DOCK4: variants seen among roughly 807,000 people sequenced by gnomAD.
DOCK4 encodes dedicator of cytokinesis protein 4.
Under a neutral mutation model 268.1 loss-of-function variants are expected in DOCK4, and 97 were observed. The observed-to-expected ratio is 0.36, with a 90% confidence interval of 0.31 to 0.43. The LOEUF (loss-of-function observed/expected upper bound fraction) is 0.43, where lower values mean the gene tolerates loss of function less well. DOCK4 is among the 20% of genes least tolerant of loss of function. The probability of loss-of-function intolerance (pLI) is 1.00; values close to 1 mark genes in which losing one functional copy is unlikely to be tolerated. For synonymous variants in DOCK4, 954 were observed against 887.2 expected (o/e 1.08, Z -1.34); for missense variants, 2,145 against 2,455.7 (o/e 0.87, Z 2.67).
intron 1 of DOCK4, among the ~76,000 whole-genome samples, chr7:112,065,217 A>C (rs1806807302): frequency 6.6e-6 from 1 of 151,892 alleles, no homozygotes; most frequent in Non-Finnish European, 1.5e-5. Flanking sequence ...TTCCAGACTC[A>C]CTGCTACCTC....
chr7:111,995,783 T>C (rs1224679174), intron 4 of DOCK4, among the ~76,000 whole-genome samples: 1 of 152,216 alleles, frequency 6.6e-6, no homozygotes, highest in Admixed American at 6.5e-5. Context: ...CAACAGAGTT[T>C]CATCTCCTCA....
rs1192769816 is a variant in DOCK4, at chr7:112,066,719, A to C, written c.38-62588T>G. 6.9e-4 allele frequency among the ~76,000 whole-genome samples: 58 copies of C among 83,530 alleles called. 3 individuals are homozygous for C. Among genetic ancestry groups the C allele is most frequent in the African/African-American group, 2.6e-3 (54 of 21,100 alleles). The allele number at this position is 83,530 out of a possible 152,430, so 54.8% of individuals were successfully genotyped here. A position where few individuals can be genotyped will look rare whatever the true frequency, so the allele number is the denominator to read the frequency against. On this transcript the variant is annotated intron_variant, in intron 1 of 52. Coordinates refer to ENST00000428084, the MANE Select transcript of DOCK4 (RefSeq NM_001363540.2). ...TATATATATATATATATATATATAT[A>C]TATATATATATATATATATATATCT...
chr7:112,005,701 T>C (rs1800802977), intron 1 of DOCK4, among the ~76,000 whole-genome samples: 1 of 151,908 alleles, frequency 6.6e-6, no homozygotes. Context: ...GCACTACTGA[T>C]GTTTCTCTTA....
rs562103651 is a variant in DOCK4, at chr7:112,022,445, TCCTTGAGAGGGAAGCAGGCA to T, written c.38-18334_38-18315del. 3.4e-3 allele frequency among the ~76,000 whole-genome samples: 514 copies of T among 152,302 alleles called. 2 individuals are homozygous for T. The highest frequency in any genetic ancestry group is 0.012 in the African/African-American group (479 of 41,586). ...TGGCTGTCCCAGCTGTAATTACTGC[TCCTTGAGAGGGAAGCAGGCA>T]CAGAGTAGCGGTGAGGAGCATGGCT... is the stretch of plus-strand genomic sequence containing the variant. On this transcript the variant is annotated intron_variant, in intron 1 of 52. Coordinates refer to ENST00000428084, the MANE Select transcript of DOCK4 (RefSeq NM_001363540.2).
chr7:111,821,274 C>G (rs1177089315), intron 27 of DOCK4: 10 of 152,142 alleles, frequency 6.6e-5, no homozygotes, highest in Non-Finnish European at 1.5e-5. Context: ...GCGACCGTGG[C>G]CTACAGATAG....
intron 1 of DOCK4, among the ~76,000 whole-genome samples, chr7:112,096,083 CTT>C (rs557783855): frequency 1.6e-3 from 240 of 152,246 alleles, no homozygotes; most frequent in African/African-American, 5.4e-3. Context: ...AAGCGAGAAA[CTT>C]TGTCTCGTAA....
At chr7:112,162,463 T>C (rs538344493) in intron 1 of DOCK4, among the ~76,000 whole-genome samples, 1 of 152,150 alleles carries the variant, frequency 6.6e-6, no homozygotes, top group East Asian at 1.9e-4. Context: ...TTCACTTAGT[T>C]TTGTGTATAG....
At chr7:111,982,935 G>A (rs933077729) in intron 7 of DOCK4, among the ~76,000 whole-genome samples, 10 of 152,186 alleles carry the variant, frequency 6.6e-5, no homozygotes, top group African/African-American at 1.7e-4. Context: ...TATTTGTTAT[G>A]TAAGCTAAGA....
chr7:112,158,263 A>C (rs1423607048), intron 1 of DOCK4, among the ~76,000 whole-genome samples: 2 of 152,200 alleles, frequency 1.3e-5, no homozygotes, highest in Non-Finnish European at 2.9e-5. Context: ...CTAGAAACCT[A>C]TATGGACTTG....
Position 111,834,590 on chromosome 7 carries a change from T to G in DOCK4, c.2833A>C (p.Arg945=). 1 of 1,539,174 alleles carries G rather than the reference T, an allele frequency of 6.5e-7. No individual in the cohort carries two copies. The highest frequency in any genetic ancestry group is 8.8e-7 in the Non-Finnish European group (1 of 1,141,348). ...LDSFNTKEEL[R]DFLLQIFTVF... is the part of the protein sequence containing the mutation. ...AAACATTTTAAAATGTCACTTACCC[T>G]TAGTTCTTCCTTTGTATTAAAACTA... is the stretch of plus-strand genomic sequence containing the variant. The change falls in exon 26 of 53, where the codon AGG becomes CGG. Residue 945 remains arginine (R), a splice_region_variant and synonymous_variant. Coordinates refer to ENST00000428084, the MANE Select transcript of DOCK4 (RefSeq NM_001363540.2).
chr7:111,750,589 G>T (rs1165619777), intron 42 of DOCK4, among the ~76,000 whole-genome samples: 2 of 152,170 alleles, frequency 1.3e-5, no homozygotes, highest in Admixed American at 1.3e-4. Flanking sequence ...TGGGGAAGAA[G>T]GACCTAGCAG....
At chr7:111,884,059 C>T (rs1807641116) in intron 16 of DOCK4, among the ~76,000 whole-genome samples, 1 of 152,040 alleles carries the variant, frequency 6.6e-6, no homozygotes, top group Non-Finnish European at 1.5e-5. Context: ...AGGTTCAAAT[C>T]TGATTTTTTT....
chr7:112,080,011 C>T (rs745898497), intron 1 of DOCK4, among the ~76,000 whole-genome samples: 25 of 151,990 alleles, frequency 1.6e-4, no homozygotes, highest in Non-Finnish European at 3.1e-4. Context: ...TCTGATAGGT[C>T]AGCTTTTAAA....
chr7:111,994,346 A>G, intron 4 of DOCK4, 115 bp from the exon 5 acceptor site: 1 of 579,422 alleles, frequency 1.7e-6, no homozygotes, highest in South Asian at 2.6e-5. Context: ...TTCGTTCTAC[A>G]GACAGTAACC....
At position 111,935,632 on chromosome 7, in the gene DOCK4, T is replaced by C; in HGVS notation, c.978-4A>G. ...CCACTCACTCTCTGTGTTACACCTA[T>C]GAAAACATTAACACTCTGTTAAGCT... On this transcript the variant is annotated splice_region_variant and splice_polypyrimidine_tract_variant and intron_variant, in intron 11 of 52. Coordinates refer to ENST00000428084, the MANE Select transcript of DOCK4 (RefSeq NM_001363540.2). The C allele has an allele frequency of 1.9e-6, 3 of 1,612,198 alleles. No homozygotes were observed. The highest frequency in any genetic ancestry group is 1.1e-5 in the South Asian group (1 of 91,016).
chr7:111,935,379 A>G, intron 12 of DOCK4, 161 bp downstream of exon 12: 1 of 703,766 alleles, frequency 1.4e-6, no homozygotes, highest in Non-Finnish European at 2.6e-6. Context: ...ACCCTATCAT[A>G]GCATAGGAAG....
chr7:111,941,415 T>C (rs1361444414), intron 10 of DOCK4, among the ~76,000 whole-genome samples: 2 of 152,240 alleles, frequency 1.3e-5, no homozygotes, highest in Non-Finnish European at 2.9e-5. Context: ...TTTAAAACTT[T>C]GGTCACTTTT....
rs546345095 is a variant in DOCK4 at position 112,009,599 on chromosome 7, C to CCTTTAGACCTTTTGACAT, written c.38-5469_38-5468insATGTCAAAAGGTCTAAAG. On this transcript the variant is annotated intron_variant, in intron 1 of 52. Transcript: ENST00000428084. ...AAAGGAATTCTTAGACCTCTGAGGTCTTCAGACTGGTTCCTTCCTACATCC... is the reference window on the plus strand; with the variant it reads ...AAAGGAATTCTTAGACCTCTGAGGTCCTTTAGACCTTTTGACATTTCAGACTGGTTCCTTCCTACATCC... Among the ~76,000 whole-genome samples, 295 of 152,186 alleles carry CCTTTAGACCTTTTGACAT rather than the reference C, an allele frequency of 1.9e-3. 1 individual carries two copies. Among genetic ancestry groups the CCTTTAGACCTTTTGACAT allele is most frequent in the African/African-American group, 6.6e-3 (275 of 41,508 alleles).
chr7:111,835,520 G>T (rs541581491), intron 25 of DOCK4, among the ~76,000 whole-genome samples: 1 of 152,226 alleles, frequency 6.6e-6, no homozygotes, highest in African/African-American at 2.4e-5. Context: ...TTGCATTTTT[G>T]AATGAACTTC....
Sources: gnomAD v4.1 joint callset for allele counts (sites outside exome capture counted in the v4.1 genomes callset) on GRCh38, gnomAD v4.1.1 for gene constraint, MANE v1.5 for transcripts, NCBI Gene and HGNC (gene_info 2026-07-23, HGNC 2026-07-21) for gene names.